ANKRD26: variants seen among roughly 807,000 people sequenced by gnomAD.
ANKRD26 encodes the protein ankyrin repeat domain-containing protein 26.
A neutral mutation model predicts 208.7 loss-of-function variants in ANKRD26; 141 were observed. The ratio of observed to expected loss-of-function variants is 0.68; its 90% CI spans 0.59 to 0.78. ANKRD26 has a LOEUF of 0.78. Among genes scored for constraint, ANKRD26 ranks in the 30% least tolerant of loss-of-function variants. ANKRD26 has a pLI of 0.00. For missense variants in ANKRD26, 1,889 were observed against 1,938.7 expected, an observed-to-expected ratio of 0.97 and a Z score of 0.48; for synonymous variants, 636 against 660.4, an observed-to-expected ratio of 0.96 and a Z score of 0.57.
chr10:27,021,652 C>T (rs2149941), intron 29 of ANKRD26, among the ~76,000 whole-genome samples: 88,842 of 151,974 alleles, frequency 0.58, 28,461 homozygotes, highest in East Asian at 0.71. Flanking sequence ...TTTTTGCTGT[C>T]GAGTTGAGTT....
At position 27,094,120 on chromosome 10, in the gene ANKRD26, T is replaced by C. The variant is rs140808572; in HGVS notation, c.243-321A>G. 2.2e-3 allele frequency among the ~76,000 whole-genome samples: 328 copies of C among 152,308 alleles called. 3 individuals are homozygous for C. The highest frequency in any genetic ancestry group is 7.5e-3 in the African/African-American group (312 of 41,572). ...TCTTTTGCTTGGCACTTCTCCTTGC[T>C]GACACCATGTCAAGGACATGTTTGC... is the stretch of plus-strand genomic sequence containing the variant. On this transcript the variant is annotated intron_variant, in intron 1 of 33. Coordinates refer to ENST00000376087, the MANE Select transcript of ANKRD26 (RefSeq NM_014915.3).
rs755546037 is a variant in ANKRD26, at chr10:27,060,352, G to C, written c.1557C>G (p.Ser519=). 6.2e-7 allele frequency: 1 copy of C among 1,605,880 alleles called. No homozygotes were observed. Among genetic ancestry groups the C allele is most frequent in the Admixed American group, 1.7e-5 (1 of 59,986 alleles). ...ATATATTGCAACATTTACCTGCTTT[G>C]GATGTTTGTACATCCTTCATTCCTC... The part of the protein sequence containing the change: ...KAGGMKDVQT[S]KAAEHDLEVA... The change falls in exon 15 of 34, where the codon TCC becomes TCG. Residue 519 remains serine, a synonymous_variant. Coordinates refer to ENST00000376087, the MANE Select transcript of ANKRD26 (RefSeq NM_014915.3).
At chr10:27,011,471 T>C (rs1349663122) in intron 32 of ANKRD26, among the ~76,000 whole-genome samples, 1 of 152,092 alleles carries the variant, frequency 6.6e-6, no homozygotes, top group African/African-American at 2.4e-5. Flanking sequence ...GGTCAAAAGT[T>C]AGACAAGTAT....
At chr10:26,990,633 C>T (rs2052469729), downstream of ANKRD26, among the ~76,000 whole-genome samples, 1 of 152,054 alleles carries the variant, frequency 6.6e-6, no homozygotes, top group African/African-American at 2.4e-5. Flanking sequence ...AGTATTCCTC[C>T]CAGACACCCT....
At position 27,100,403 on chromosome 10, in the gene ANKRD26, G is replaced by A. The variant is rs546768605; in HGVS notation, c.-77C>T. On this transcript the variant is annotated 5_prime_UTR_variant, in exon 1 of 34. Transcript: ENST00000376087. ...CGGCCTCCGGAGCCCAACATAACAA[G>A]TCAGCCCCGGCTGGCCGCAGCCTCC... is the stretch of plus-strand genomic sequence containing the variant. 1.3e-5 allele frequency: 20 copies of A among 1,580,232 alleles called. No individual in the cohort carries two copies. In the South Asian group the frequency reaches 2.2e-4, roughly 17 times the overall value.
chr10:27,022,762 T>A (rs967269144), intron 28 of ANKRD26, 75 bp from the exon 29 acceptor site: 3 of 1,336,838 alleles, frequency 2.2e-6, no homozygotes, highest in Non-Finnish European at 3.1e-6. Context: ...ACAGATATTA[T>A]GTTTTAGCAT....
chr10:26,992,700 G>A (rs1453753464), intron 5 of ANKRD26, among the ~76,000 whole-genome samples: 1 of 152,110 alleles, frequency 6.6e-6, no homozygotes, highest in Non-Finnish European at 1.5e-5. Context: ...AAGCATGGCA[G>A]AACACTAATT....
intron 6 of ANKRD26, among the ~76,000 whole-genome samples, chr10:27,080,465 A>G (rs1219153169): frequency 6.6e-6 from 1 of 152,244 alleles, no homozygotes; most frequent in African/African-American, 2.4e-5. Flanking sequence ...TAAAACATTA[A>G]AAGTTATAAA....
chr10:26,983,193 A>G (rs552555444), intron 3 of ANKRD26, among the ~76,000 whole-genome samples: 2 of 152,288 alleles, frequency 1.3e-5, no homozygotes, highest in South Asian at 4.1e-4. Flanking sequence ...TAAGGCCTCT[A>G]TATGCCATAG....
At chr10:27,088,317 T>A (rs1349188108) in intron 4 of ANKRD26, 5 of 151,464 alleles carry the variant, frequency 3.3e-5, no homozygotes, top group African/African-American at 1.2e-4. Flanking sequence ...TTCCAGGGAC[T>A]GTGCAAAATA....
intron 32 of ANKRD26, among the ~76,000 whole-genome samples, chr10:27,010,886 C>A (rs148597208): frequency 4.7e-4 from 72 of 152,268 alleles, no homozygotes; most frequent in Middle Eastern, 3.4e-3. Context: ...AGACCCTGAT[C>A]ATCTCATTGT....
At chr10:27,041,181 T>C (rs2054227056) in intron 20 of ANKRD26, among the ~76,000 whole-genome samples, 1 of 148,988 alleles carries the variant, frequency 6.7e-6, no homozygotes, top group Non-Finnish European at 1.5e-5. Flanking sequence ...GTTGAAGTGA[T>C]GAAGCTGAGA....
the ANKRD26 span, among the ~76,000 whole-genome samples, chr10:26,957,914 G>A: frequency 6.6e-6 from 1 of 152,030 alleles, no homozygotes; most frequent in African/African-American, 2.4e-5. Context: ...CAAGCCATTA[G>A]GAGGACTTTT....
chr10:26,951,003 C>CTTT, the ANKRD26 span, among the ~76,000 whole-genome samples: 1 of 78,262 alleles, frequency 1.3e-5, no homozygotes. Context: ...TTTCTTTTTT[C>CTTT]TTTTCTTTTC....
intron 16 of ANKRD26, among the ~76,000 whole-genome samples, chr10:27,049,391 A>G (rs922918861): frequency 6.6e-6 from 1 of 152,188 alleles, no homozygotes; most frequent in African/African-American, 2.4e-5. Flanking sequence ...ATTTTACACT[A>G]CGCAGCCAGG....
At chr10:27,054,901 T>C (rs1021241208) in intron 15 of ANKRD26, among the ~76,000 whole-genome samples, 2 of 152,200 alleles carry the variant, frequency 1.3e-5, no homozygotes, top group Non-Finnish European at 2.9e-5. Flanking sequence ...TTTGAACATT[T>C]ATGCTTTCAA....
chr10:26,968,670 G>A, the ANKRD26 span, among the ~76,000 whole-genome samples: 2 of 152,206 alleles, frequency 1.3e-5, no homozygotes, highest in South Asian at 2.1e-4. Flanking sequence ...TTGAGGAAAC[G>A]TGGAGGCTGA....
At chr10:26,988,523 ACTTT>A (rs1333393238), downstream of ANKRD26, among the ~76,000 whole-genome samples, 1 of 152,146 alleles carries the variant, frequency 6.6e-6, no homozygotes, top group East Asian at 1.9e-4. Context: ...AATAAGTGGG[ACTTT>A]CCACGCACCT....
chr10:27,083,201 A>C (rs1273471679), intron 5 of ANKRD26, among the ~76,000 whole-genome samples: 5 of 152,010 alleles, frequency 3.3e-5, no homozygotes, highest in Non-Finnish European at 5.9e-5. Flanking sequence ...TTTGCCTTAC[A>C]TTTCCACTAC....
Sources: allele counts gnomAD v4.1 joint callset (sites outside exome capture counted in the v4.1 genomes callset), GRCh38; gene constraint gnomAD v4.1.1; transcripts MANE v1.5; gene names NCBI Gene and HGNC (gene_info 2026-07-23, HGNC 2026-07-21).